RBMXL3: variants seen among roughly 807,000 people sequenced by gnomAD.
RBMXL3 encodes RBMX like 3, also known as RNA-binding motif protein, X-linked-like-3.
A neutral mutation model predicts 0.8 loss-of-function variants in RBMXL3; 2 were observed. That is an observed-to-expected ratio of 2.54 (90% CI 1.04 to 8.00). The LOEUF is 8.00. RBMXL3 is among the 30% of genes most tolerant of loss of function. RBMXL3 has a pLI of 0.04. For synonymous variants in RBMXL3, 447 were observed against 449.8 expected, an observed-to-expected ratio of 0.99 and a Z score of 0.08; for missense variants, 1,127 against 1,068.0, an observed-to-expected ratio of 1.06 and a Z score of -0.77.
rs1028972167 is a variant in RBMXL3 at position 115,191,361 on chromosome X, C to A, written c.1920C>A (p.Ala640=). The change falls in exon 1 of 1, where the codon GCC becomes GCA. Residue 640 remains alanine, a synonymous_variant. Coordinates refer to ENST00000424776, the MANE Select transcript of RBMXL3 (RefSeq NM_001145346.2). ...YEEYRGRSLD[A]NSGGRSPDAY... ...AGTACCGAGGCCGCTCCCTTGATGC[C>A]AACAGTGGAGGCCGCTCGCCTGATG... 1.6e-5 allele frequency: 18 copies of A among 1,147,433 alleles called. No homozygotes were observed. The African/African-American group carries it at 3.0e-4, about 19-fold the overall frequency. The allele number at this position is 1,147,433 out of a possible 1,213,427, so 94.6% of individuals were successfully genotyped here.
rs1405002043 is a variant in RBMXL3, at chrX:115,189,981, G to C, written c.540G>C (p.Gly180=). Residue 180 remains glycine (G), a synonymous_variant, in exon 1 of 1, where the codon GGG becomes GGC. Transcript: ENST00000424776. ...ACAGCGTTGGCTGTGGAATGCGCGG[G>C]AAGGCACCGACTGTGTCGGGGCAAG... is the stretch of plus-strand genomic sequence containing the variant. ...LAHSVGCGMR[G]KAPTVSGQDG... 8.6e-7 allele frequency: 1 copy of C among 1,162,706 alleles called. No individual in the cohort carries two copies. Among genetic ancestry groups the C allele is most frequent in the Non-Finnish European group, 1.1e-6 (1 of 871,960 alleles).
Position 115,192,201 on chromosome X carries a change from G to A in RBMXL3, c.2760G>A (p.Ser920=), listed in dbSNP as rs781947302. ...GCTACGAGGAATACCAAGGCCGCTCGCCCAATGCCTACGGCGGGGGCCGCG... is the reference window on the plus strand; with the variant it reads ...GCTACGAGGAATACCAAGGCCGCTCACCCAATGCCTACGGCGGGGGCCGCG... The part of the protein sequence containing the change: ...GGCYEEYQGR[S]PNAYGGGRGL... Residue 920 remains serine (S), a synonymous_variant, in exon 1 of 1, where the codon TCG becomes TCA. Coordinates refer to ENST00000424776, the MANE Select transcript of RBMXL3 (RefSeq NM_001145346.2). 1.3e-5 allele frequency: 15 copies of A among 1,163,485 alleles called. No homozygotes were observed. The East Asian group carries it at 1.6e-4, about 13-fold the overall frequency.
rs1233165705 is a variant in RBMXL3, at chrX:115,191,152, G to C, written c.1711G>C (p.Ala571Pro). Residue 571 changes from alanine (A) to proline (P), a missense_variant, in exon 1 of 1, where the codon GCC (alanine) becomes CCC (proline). Physicochemically the swap from Ala to Pro is conservative, Grantham distance 27 (BLOSUM62 -1). Coordinates refer to ENST00000424776, the MANE Select transcript of RBMXL3 (RefSeq NM_001145346.2). ...CCACAGTGGGGGCTGCTCTGCCGAC[G>C]CCTACAGTGGGGGCCACGACAGTTC... ...DAHSGGCSAD[A>P]YSGGHDSSSQ... 8.6e-7 allele frequency: 1 copy of C among 1,166,704 alleles called. No homozygotes were observed.
At position 115,190,480 on chromosome X, in the gene RBMXL3, G is replaced by A. The variant is rs2072784135; in HGVS notation, c.1039G>A (p.Glu347Lys). ...PDACSEGRSSEALPVVLPDAY... is the reference protein window; with the variant it reads ...PDACSEGRSSKALPVVLPDAY... The stretch of plus-strand genomic sequence containing the variant: ...TGCCTGCAGTGAAGGCCGCTCGTCC[G>A]AGGCCTTGCCAGTCGTCTTGCCAGA... Residue 347 changes from glutamate (E) to lysine (K), a missense_variant, in exon 1 of 1, where the codon GAG becomes AAG. By Grantham distance (56) the Glu-to-Lys change is moderately conservative. Transcript: ENST00000424776. The A allele has an allele frequency of 1.6e-5, 19 of 1,167,671 alleles. No individual in the cohort carries two copies. Among genetic ancestry groups the A allele is most frequent in the South Asian group, 5.7e-5 (3 of 52,760 alleles).
In RBMXL3 at chrX:115,190,821, C is replaced by T; in HGVS notation, c.1380C>T (p.Ser460=). 1 of 1,154,960 alleles carries T rather than the reference C, an allele frequency of 8.7e-7. No individual in the cohort carries two copies. The change falls in exon 1 of 1, where the codon AGC becomes AGT. Residue 460 remains serine, a synonymous_variant. Coordinates refer to ENST00000424776, the MANE Select transcript of RBMXL3 (RefSeq NM_001145346.2). ...DAYSGGHDSS[S]WSDCCGGGGR... is the part of the protein sequence containing the mutation. ...ACAGTGGGGGCCATGACAGTTCCAG[C>T]TGGAGCGACTGCTGCGGAGGAGGAG...
chrX:115,189,585 G>T lies in RBMXL3; in HGVS notation c.144G>T (p.Ser48=). The T allele has an allele frequency of 8.5e-7, 1 of 1,171,046 alleles. No individual in the cohort carries two copies. The highest frequency in any genetic ancestry group is 3.2e-5 in the East Asian group (1 of 31,031). Residue 48 remains serine (S), a synonymous_variant, in exon 1 of 1, where the codon TCG becomes TCT. Transcript: ENST00000424776. ...TGAAAGACCGAAAAACCAACAAGTC[G>T]AGGGGCTTCGCGTTCGTCACCTTCG... The part of the protein sequence containing the change: ...FLMKDRKTNK[S]RGFAFVTFES...
chrX:115,189,751 C>T lies in RBMXL3; in HGVS notation c.310C>T (p.Arg104Cys). 5 of 1,166,662 alleles carry T rather than the reference C, an allele frequency of 4.3e-6. No homozygotes were observed. The highest frequency in any genetic ancestry group is 4.6e-6 in the Non-Finnish European group (4 of 872,364). The change falls in exon 1 of 1, where the codon CGC (arginine) becomes TGC (cysteine). Residue 104 changes from arginine to cysteine, a missense_variant. Arg to Cys is a radical substitution (Grantham distance 180, BLOSUM62 -3). Transcript: ENST00000424776. ...WVPPTPGSGS[R>C]SRFSHRTRGG... ...CCCGCCAACCCCCGGCAGCGGCAGT[C>T]GCTCAAGGTTCTCACACAGAACCCG...
At position 115,192,620 on chromosome X, in the gene RBMXL3, G is replaced by T. The variant is rs782143422; in HGVS notation, c.3179G>T (p.Arg1060Met). 1.0e-5 allele frequency: 12 copies of T among 1,168,817 alleles called. No individual in the cohort carries two copies. The highest frequency in any genetic ancestry group is 1.9e-5 in the South Asian group (1 of 52,732). The stretch of plus-strand genomic sequence containing the variant: ...GGCCGTCAAGGAGGCCGCTTCGAGA[G>T]GGGGGAAGGCCGGAGCAGATACTAA... ...GGGRQGGRFE[R>M]GEGRSRY Residue 1060 changes from arginine (R) to methionine (M), a missense_variant, in exon 1 of 1, where the codon AGG becomes ATG. Physicochemically the swap from Arg to Met is moderately conservative, Grantham distance 91. Transcript: ENST00000424776.
chrX:115,190,328 G>A lies in RBMXL3; in HGVS notation c.887G>A (p.Ser296Asn), dbSNP rs782037075. 1.9e-5 allele frequency: 22 copies of A among 1,157,092 alleles called. No individual in the cohort carries two copies. The highest frequency in any genetic ancestry group is 2.4e-4 in the Middle Eastern group (1 of 4,230). ...GACCATGAGTACACAGATCATCCCA[G>A]CAAAGGCTCCTACCGAGAGCCCCTC... ...GRDHEYTDHP[S>N]KGSYREPLKS... The change falls in exon 1 of 1, where the codon AGC becomes AAC. Residue 296 changes from serine to asparagine, a missense_variant. Ser to Asn is a conservative substitution (Grantham distance 46). Transcript: ENST00000424776.
In RBMXL3 at chrX:115,192,586, A is replaced by T; in HGVS notation, c.3145A>T (p.Arg1049Trp). The change falls in exon 1 of 1, where the codon AGG becomes TGG. Residue 1049 changes from arginine to tryptophan, a missense_variant. By Grantham distance (101) the Arg-to-Trp change is moderately radical. Transcript: ENST00000424776. ...SYSRSGCRVP[R>W]GGGRQGGRFE... is the part of the protein sequence containing the mutation. The stretch of plus-strand genomic sequence containing the variant: ...CAGCCGGTCAGGCTGCAGGGTGCCC[A>T]GGGGCGGAGGCCGTCAAGGAGGCCG... 1 of 1,170,986 alleles carries T rather than the reference A, an allele frequency of 8.5e-7. No homozygotes were observed. The highest frequency in any genetic ancestry group is 1.1e-6 in the Non-Finnish European group (1 of 874,638).
Position 115,190,105 on chromosome X carries a change from C to A in RBMXL3, c.664C>A (p.Pro222Thr), listed in dbSNP as rs781856330. 5.7e-5 allele frequency: 66 copies of A among 1,154,442 alleles called. No individual in the cohort carries two copies. The African/African-American group carries it at 8.9e-4, about 16-fold the overall frequency. Reference protein sequence around the residue: ...SLARIGGSGMPGKAPAVWGQD... With the variant: ...SLARIGGSGMTGKAPAVWGQD... Reference sequence around the variant, plus strand: ...GGCTCGCATTGGCGGCAGTGGAATGCCTGGGAAGGCCCCGGCCGTGTGGGG... The same window carrying A: ...GGCTCGCATTGGCGGCAGTGGAATGACTGGGAAGGCCCCGGCCGTGTGGGG... The change falls in exon 1 of 1, where the codon CCT becomes ACT. Residue 222 changes from proline to threonine, a missense_variant. By Grantham distance (38) the Pro-to-Thr change is conservative. Coordinates refer to ENST00000424776, the MANE Select transcript of RBMXL3 (RefSeq NM_001145346.2).
In RBMXL3 at chrX:115,191,335, G is replaced by A. The variant is rs2072814622; in HGVS notation, c.1894G>A (p.Glu632Lys). 4 of 1,150,335 alleles carry A rather than the reference G, an allele frequency of 3.5e-6. No homozygotes were observed. Among genetic ancestry groups the A allele is most frequent in the Non-Finnish European group, 4.6e-6 (4 of 861,641 alleles). The allele number at this position is 1,150,335 out of a possible 1,213,427, so 94.8% of individuals were successfully genotyped here. ...HRYGGGGRYE[E>K]YRGRSLDANS... Reference sequence around the variant, plus strand: ...CTACGGAGGAGGAGGCCGCTACGAGGAGTACCGAGGCCGCTCCCTTGATGC... The same window carrying A: ...CTACGGAGGAGGAGGCCGCTACGAGAAGTACCGAGGCCGCTCCCTTGATGC... The change falls in exon 1 of 1, where the codon GAG (glutamate) becomes AAG (lysine). Residue 632 changes from glutamate (E) to lysine (K), a missense_variant. Glu to Lys is a moderately conservative substitution (Grantham distance 56). Transcript: ENST00000424776.
rs868917799 is a variant in RBMXL3 at position 115,190,889 on chromosome X, G to A, written c.1448G>A (p.Ser483Asn). 1 of 1,163,561 alleles carries A rather than the reference G, an allele frequency of 8.6e-7. No individual in the cohort carries two copies. Among genetic ancestry groups the A allele is most frequent in the Admixed American group, 2.6e-5 (1 of 37,989 alleles). ...EYQGRSLDANSGGCSPEAYSG... is the reference protein window; with the variant it reads ...EYQGRSLDANNGGCSPEAYSG... ...CAAGGCCGCTCGCTGGATGCCAACA[G>A]TGGAGGCTGCTCGCCCGAGGCCTAC... Residue 483 changes from serine (S) to asparagine (N), a missense_variant, in exon 1 of 1, where the codon AGT (serine) becomes AAT (asparagine). Coordinates refer to ENST00000424776, the MANE Select transcript of RBMXL3 (RefSeq NM_001145346.2).
At position 115,191,082 on chromosome X, in the gene RBMXL3, TGGA is replaced by T. The variant is rs2072805885; in HGVS notation, c.1646_1648del (p.Gly549del). The T allele has an allele frequency of 8.7e-7, 1 of 1,150,569 alleles. No individual in the cohort carries two copies. The highest frequency in any genetic ancestry group is 1.2e-6 in the Non-Finnish European group (1 of 866,744). 94.8% of individuals were successfully genotyped at this position (1,150,569 alleles called of 1,213,427 possible). On this transcript the variant is annotated inframe_deletion, in exon 1 of 1. Transcript: ENST00000424776. Reference sequence around the variant, plus strand: ...ACAGTTACGGCCAGAGCCACCGCTATGGAGGAGAAGGCCGCTATGAGTACCGAG... The same window carrying T: ...ACAGTTACGGCCAGAGCCACCGCTATGGAGAAGGCCGCTATGAGTACCGAG...
In RBMXL3 at chrX:115,190,443, C is replaced by A. The variant is rs1556557219; in HGVS notation, c.1002C>A (p.Gly334=). ...GATGCCGCTACGAGGAGTACCAGGG[C>A]AACTCGCCCGATGCCTGCAGTGAAG... ...GGGCRYEEYQ[G]NSPDACSEGR... is the part of the protein sequence containing the mutation. Residue 334 remains glycine (G), a synonymous_variant, in exon 1 of 1, where the codon GGC becomes GGA. Transcript: ENST00000424776. The A allele has an allele frequency of 8.6e-7, 1 of 1,166,999 alleles. No homozygotes were observed. The highest frequency in any genetic ancestry group is 1.9e-5 in the South Asian group (1 of 52,552).
Position 115,192,088 on chromosome X carries a change from G to A in RBMXL3, c.2647G>A (p.Gly883Arg), listed in dbSNP as rs868911655. 4.3e-5 allele frequency: 50 copies of A among 1,163,701 alleles called. No individual in the cohort carries two copies. The African/African-American group carries it at 5.3e-4, about 12-fold the overall frequency. ...GGGCCGATCGCCCGATGCCCACAGC[G>A]GGGACCACTACACCGAAGCCTACAG... The part of the protein sequence containing the change: ...SRGRSPDAHS[G>R]DHYTEAYSRG... Residue 883 changes from glycine to arginine, a missense_variant, in exon 1 of 1, where the codon GGG becomes AGG. By Grantham distance (125) the Gly-to-Arg change is moderately radical (BLOSUM62 -2). Coordinates refer to ENST00000424776, the MANE Select transcript of RBMXL3 (RefSeq NM_001145346.2).
rs1163515341 is a variant in RBMXL3 at position 115,191,898 on chromosome X, G to A, written c.2457G>A (p.Glu819=). The A allele has an allele frequency of 2.7e-5, 31 of 1,163,150 alleles. No homozygotes were observed. In the Admixed American group the frequency reaches 7.8e-4, roughly 29 times the overall value. ...NDPCRGGGRY[E]ENRGHSLDAN... ...CCTGCAGAGGAGGAGGCCGCTACGAGGAGAACCGAGGTCACTCTCTCGATG... is the reference window on the plus strand; with the variant it reads ...CCTGCAGAGGAGGAGGCCGCTACGAAGAGAACCGAGGTCACTCTCTCGATG... Residue 819 remains glutamate, a synonymous_variant, in exon 1 of 1, where the codon GAG becomes GAA. Transcript: ENST00000424776.
rs782274437 is a variant in RBMXL3 at position 115,189,739 on chromosome X, G to A, written c.298G>A (p.Gly100Ser). Residue 100 changes from glycine (G) to serine (S), a missense_variant, in exon 1 of 1, where the codon GGC (glycine) becomes AGC (serine). Transcript: ENST00000424776. ...KSSRWVPPTP[G>S]SGSRSRFSHR... ...CAGCCGATGGGTCCCGCCAACCCCCGGCAGCGGCAGTCGCTCAAGGTTCTC... is the reference window on the plus strand; with the variant it reads ...CAGCCGATGGGTCCCGCCAACCCCCAGCAGCGGCAGTCGCTCAAGGTTCTC... 63 of 1,165,615 alleles carry A rather than the reference G, an allele frequency of 5.4e-5. No individual in the cohort carries two copies. The highest frequency in any genetic ancestry group is 6.4e-5 in the Non-Finnish European group (56 of 872,118).
rs782377500 is a variant in RBMXL3, at chrX:115,192,489, C to G, written c.3048C>G (p.Asp1016Glu). ...GCGACCGCTACTCGAGGGGTCGAGA[C>G]CGGGTAGGCAGACCGGATCGTGGGC... ...GRSDRYSRGR[D>E]RVGRPDRGLP... is the part of the protein sequence containing the mutation. Residue 1016 changes from aspartate to glutamate, a missense_variant, in exon 1 of 1, where the codon GAC becomes GAG. Transcript: ENST00000424776. 157 of 1,169,935 alleles carry G rather than the reference C, an allele frequency of 1.3e-4. No homozygotes were observed. The highest frequency in any genetic ancestry group is 1.7e-4 in the Non-Finnish European group (147 of 874,823).
Sources: gnomAD v4.1 joint callset for allele counts on GRCh38, gnomAD v4.1.1 for gene constraint, MANE v1.5 for transcripts, NCBI Gene and HGNC (gene_info 2026-07-23, HGNC 2026-07-21) for gene names.